Variants in LRCH1 observed in about 807,000 individuals in gnomAD.
LRCH1 encodes leucine rich repeats and calponin homology domain containing 1.
In LRCH1, 23 loss-of-function variants were observed where a neutral mutation model predicts 94.9. The ratio of observed to expected loss-of-function variants is 0.24; its 90% confidence interval spans 0.17 to 0.34. The LOEUF is 0.34. LRCH1 is among the 10% of genes least tolerant of loss of function. LRCH1 has a pLI of 1.00. For missense variants in LRCH1, 790 were observed against 945.9 expected, an observed-to-expected ratio of 0.84 and a Z score of 2.16; for synonymous variants, 364 against 354.9, an observed-to-expected ratio of 1.03 and a Z score of -0.29.
At chr13:46,750,434 A>G (rs918103240) in intron 18 of LRCH1, 402 of 754,294 alleles carry the variant, frequency 5.3e-4, no homozygotes, top group Non-Finnish European at 6.0e-4. Context: ...TCAAACAGGC[A>G]TACTAGAGTA....
chr13:46,730,668 C>T (rs1405203279), intron 18 of LRCH1, among the ~76,000 whole-genome samples: 2 of 152,186 alleles, frequency 1.3e-5, no homozygotes, highest in Non-Finnish European at 2.9e-5. Context: ...CCTCTAGCAG[C>T]CTTAATGTGG....
intron 1 of LRCH1, among the ~76,000 whole-genome samples, chr13:46,611,816 A>G (rs1052485165): frequency 2.6e-5 from 4 of 152,246 alleles, no homozygotes; most frequent in African/African-American, 9.6e-5. Flanking sequence ...TAAAATTGTG[A>G]TGACTATAAA....
exon 19 of LRCH1, chr13:46,750,812 T>G: frequency 1.9e-6 from 1 of 536,048 alleles, no homozygotes; most frequent in South Asian, 2.8e-5. Flanking sequence ...TTTTCTACCT[T>G]TCAGAGCTGA....
At chr13:46,569,224 A>G (rs2137915688) in intron 1 of LRCH1, among the ~76,000 whole-genome samples, 1 of 152,298 alleles carries the variant, frequency 6.6e-6, no homozygotes, top group South Asian at 2.1e-4. Flanking sequence ...ATGTTAGCTA[A>G]TGGAGTCCAA....
chr13:46,596,135 T>C (rs531722389), intron 1 of LRCH1, among the ~76,000 whole-genome samples: 4 of 152,202 alleles, frequency 2.6e-5, no homozygotes, highest in Non-Finnish European at 4.4e-5. Context: ...ATGGTTATCA[T>C]AGATGAGGGA....
At position 46,582,353 on chromosome 13, in the gene LRCH1, A is replaced by C. The variant is rs372905407; in HGVS notation, c.307+28650A>C. ...ACAAGTCACTCCTACCAATGGAAGA[A>C]CAACCGTTGCTCTCATCTTTTTTTT... On this transcript the variant is annotated intron_variant, in intron 1 of 19. Coordinates refer to ENST00000389797, the MANE Select transcript of LRCH1 (RefSeq NM_001164211.2). Among the ~76,000 whole-genome samples, 42 of 146,880 alleles carry C rather than the reference A, an allele frequency of 2.9e-4. 1 individual carries two copies. In the South Asian group the frequency reaches 8.7e-3, roughly 30 times the overall value.
chr13:46,651,420 T>C (rs1414835049), intron 2 of LRCH1, among the ~76,000 whole-genome samples: 1 of 152,118 alleles, frequency 6.6e-6, no homozygotes, highest in Non-Finnish European at 1.5e-5. Context: ...TCCCAGCACT[T>C]TGGGAGGCCG....
At chr13:46,566,766 G>T (rs1402723778) in intron 1 of LRCH1, among the ~76,000 whole-genome samples, 3 of 152,164 alleles carry the variant, frequency 2.0e-5, no homozygotes, top group Admixed American at 1.3e-4. Flanking sequence ...GGTCCTCGGG[G>T]TGACATAGAG....
intron 3 of LRCH1, among the ~76,000 whole-genome samples, chr13:46,674,452 G>T (rs1451021338): frequency 6.6e-6 from 1 of 152,178 alleles, no homozygotes; most frequent in African/African-American, 2.4e-5. Context: ...ATTGTTGCAG[G>T]TGCAGGAAAA....
intron 1 of LRCH1, among the ~76,000 whole-genome samples, chr13:46,616,112 G>GA (rs1044136057): frequency 5.6e-4 from 86 of 152,308 alleles, no homozygotes; most frequent in African/African-American, 2.0e-3. Flanking sequence ...ACTGGGAAAA[G>GA]AAAAATATCC....
intron 11 of LRCH1, 35 bp from the exon 12 acceptor site, chr13:46,705,033 T>C (rs777784563): frequency 8.9e-7 from 1 of 1,123,476 alleles, no homozygotes; most frequent in Non-Finnish European, 1.3e-6. Flanking sequence ...AAAAGTTTAA[T>C]ACGTTTACTA....
intron 6 of LRCH1, among the ~76,000 whole-genome samples, chr13:46,688,586 A>T (rs1593353580): frequency 6.6e-6 from 1 of 152,332 alleles, no homozygotes; most frequent in Non-Finnish European, 1.5e-5. Flanking sequence ...GTTCTTTTTA[A>T]GAAGTCTTCA....
At chr13:46,627,404 T>G (rs1330092601) in intron 1 of LRCH1, among the ~76,000 whole-genome samples, 1 of 152,156 alleles carries the variant, frequency 6.6e-6, no homozygotes, top group African/African-American at 2.4e-5. Context: ...TGGCTTAGAG[T>G]ATCATAGAGT....
At chr13:46,584,874 T>C (rs554524779) in intron 1 of LRCH1, among the ~76,000 whole-genome samples, 101 of 152,374 alleles carry the variant, frequency 6.6e-4, no homozygotes, top group Non-Finnish European at 1.1e-3. Context: ...GAGATGAGGC[T>C]ATATGTAAAA....
chr13:46,743,837 T>C lies in LRCH1; in HGVS notation c.*1989T>C. ...GTAGATTTAATTTTCAGTGTTGATA[T>C]AGTTCAATTAAAACATGTTAAAGAC... On this transcript the variant is annotated 3_prime_UTR_variant, in exon 20 of 20. Coordinates refer to ENST00000389797, the MANE Select transcript of LRCH1 (RefSeq NM_001164211.2). 1.0e-6 allele frequency: 1 copy of C among 983,142 alleles called. No homozygotes were observed. The highest frequency in any genetic ancestry group is 1.2e-6 in the Non-Finnish European group (1 of 827,826). 60.9% of individuals were successfully genotyped at this position (983,142 alleles called of 1,614,324 possible).
At chr13:46,723,412 A>G in intron 17 of LRCH1, 82 bp downstream of exon 17, 2 of 1,060,274 alleles carry the variant, frequency 1.9e-6, no homozygotes, top group Non-Finnish European at 2.8e-6. Context: ...AAACATTGCA[A>G]GCAGTCCTAA....
chr13:46,701,950 A>G (rs146809555), intron 11 of LRCH1, among the ~76,000 whole-genome samples: 1 of 152,228 alleles, frequency 6.6e-6, no homozygotes, highest in Admixed American at 6.5e-5. Context: ...TGAAAAGCGT[A>G]GTTAGTGTAT....
At chr13:46,668,414 A>T (rs2051550084) in intron 2 of LRCH1, among the ~76,000 whole-genome samples, 1 of 152,134 alleles carries the variant, frequency 6.6e-6, no homozygotes, top group Non-Finnish European at 1.5e-5. Context: ...TTTCTCTTTT[A>T]GTTAGCTCTC....
At chr13:46,587,181 C>T (rs987391134) in intron 1 of LRCH1, among the ~76,000 whole-genome samples, 1 of 152,220 alleles carries the variant, frequency 6.6e-6, no homozygotes, top group Non-Finnish European at 1.5e-5. Flanking sequence ...GGTGAAATCT[C>T]TTATTTCCAT....
Sources: gnomAD v4.1 joint callset for allele counts (sites outside exome capture counted in the v4.1 genomes callset) on GRCh38, gnomAD v4.1.1 for gene constraint, MANE v1.5 for transcripts, NCBI Gene and HGNC (gene_info 2026-07-23, HGNC 2026-07-21) for gene names.